The following ZC3H3 variants were observed in gnomAD, a reference collection of about 807,000 sequenced individuals.
ZC3H3 encodes zinc finger CCCH domain-containing protein 3.
Under a neutral mutation model 77.3 loss-of-function variants are expected in ZC3H3, and 36 were observed. The observed-to-expected ratio is 0.47, with a 90% CI of 0.36 to 0.61. The LOEUF (loss-of-function observed/expected upper bound fraction) is 0.61, where lower values mean the gene tolerates loss of function less well. Ranked by LOEUF, ZC3H3 falls within the 20% of genes least tolerant of loss-of-function variation. The pLI, the probability that ZC3H3 is intolerant of heterozygous loss-of-function variation, is 0.00. For synonymous variants in ZC3H3, 626 were observed against 555.2 expected, an observed-to-expected ratio of 1.13 and a Z score of -1.79; for missense variants, 1,331 against 1,312.2, an observed-to-expected ratio of 1.01 and a Z score of -0.22.
Position 143,533,624 on chromosome 8 carries a change from T to C in ZC3H3, c.1561+2633A>G, listed in dbSNP as rs1030093688. ...GTGGTGGGCAAGTGAGTGGGACGCC[T>C]TCCCCACCCCTTCCTCAGACAGGAC... On this transcript the variant is annotated intron_variant, in intron 3 of 11. Coordinates refer to ENST00000262577, the MANE Select transcript of ZC3H3 (RefSeq NM_015117.3). This position sits in a 1 kb window ranked among gnomAD's most constrained non-coding sequence, Gnocchi z 4.0. 6.6e-6 allele frequency among the ~76,000 whole-genome samples: 1 copy of C among 151,502 alleles called. No homozygotes were observed. The highest frequency in any genetic ancestry group is 1.5e-5 in the Non-Finnish European group (1 of 67,996).
rs545704480 is a variant in ZC3H3, at chr8:143,536,175, G to A, written c.1561+82C>T. ...GCCTCTACCAGCATGAGGCAGGGAA[G>A]GTGCCCATGGCTCCTAACACGCCAG... On this transcript the variant is annotated intron_variant, in intron 3 of 11. Coordinates refer to ENST00000262577, the MANE Select transcript of ZC3H3 (RefSeq NM_015117.3). The A allele has an allele frequency of 3.4e-6, 5 of 1,468,880 alleles. No individual in the cohort carries two copies. The East Asian group carries it at 9.8e-5, about 29-fold the overall frequency. The allele number at this position is 1,468,880 out of a possible 1,614,324, so 91.0% of individuals were successfully genotyped here.
rs1820239094 is a variant in ZC3H3 at position 143,460,704 on chromosome 8, T to C, written c.2307+5013A>G. On this transcript the variant is annotated intron_variant, in intron 9 of 11. Coordinates refer to ENST00000262577, the MANE Select transcript of ZC3H3 (RefSeq NM_015117.3). The surrounding 1 kb of genome is among the most constrained non-coding windows in gnomAD (Gnocchi z 4.0). ...CAGTGCACACACAACGGAATGTTAC[T>C]CTACCATAAGAAAGGAATGAGGTGC... 6.6e-6 allele frequency among the ~76,000 whole-genome samples: 1 copy of C among 152,194 alleles called. No individual in the cohort carries two copies. The highest frequency in any genetic ancestry group is 2.4e-5 in the African/African-American group (1 of 41,436).
chr8:143,444,811 T>C (rs912012010), intron 9 of ZC3H3, among the ~76,000 whole-genome samples: 2 of 152,178 alleles, frequency 1.3e-5, no homozygotes, highest in Admixed American at 1.3e-4. Context: ...CAGTCAATAT[T>C]GTATTGGGGT....
rs34839082 is a variant in ZC3H3, at chr8:143,528,136, C to T, written c.1561+8121G>A. On this transcript the variant is annotated intron_variant, in intron 3 of 11. Transcript: ENST00000262577. ...CTGGCACCCTCCCCCACTGCCAAGA[C>T]ACAGCAAGCCCACCCTGGCAACCAC... is the stretch of plus-strand genomic sequence containing the variant. Among the ~76,000 whole-genome samples, 1,284 of 152,332 alleles carry T rather than the reference C, an allele frequency of 8.4e-3. 10 individuals are homozygous for T. Among genetic ancestry groups the T allele is most frequent in the African/African-American group, 0.029 (1,216 of 41,580 alleles).
chr8:143,473,992 G>A (rs1332644961), intron 5 of ZC3H3, among the ~76,000 whole-genome samples: 4 of 152,100 alleles, frequency 2.6e-5, no homozygotes, highest in Non-Finnish European at 4.4e-5. Flanking sequence ...AGGATCAGAG[G>A]TAACCAGAGA....
intron 4 of ZC3H3, among the ~76,000 whole-genome samples, chr8:143,501,068 C>A (rs964751824): frequency 6.6e-6 from 1 of 151,382 alleles, no homozygotes; most frequent in Admixed American, 6.6e-5. Flanking sequence ...CCGCCTATCT[C>A]GGCCTCCCAA....
At chr8:143,528,099 G>GC (rs1443282561) in intron 3 of ZC3H3, among the ~76,000 whole-genome samples, 1 of 152,214 alleles carries the variant, frequency 6.6e-6, no homozygotes, top group Non-Finnish European at 1.5e-5. Flanking sequence ...AGAGTCTCCG[G>GC]CCCCTCTGGC....
At chr8:143,455,859 G>A (rs1346058079) in intron 9 of ZC3H3, among the ~76,000 whole-genome samples, 8 of 151,158 alleles carry the variant, frequency 5.3e-5, no homozygotes. Context: ...TGTAATCCTA[G>A]CTACTCAGGA....
At chr8:143,485,131 A>C (rs942247620) in intron 4 of ZC3H3, among the ~76,000 whole-genome samples, 4 of 152,256 alleles carry the variant, frequency 2.6e-5, no homozygotes, top group African/African-American at 9.6e-5. Flanking sequence ...ATTCTACAGC[A>C]GGGGCGCCGG....
At chr8:143,514,741 G>A (rs1023540559) in intron 3 of ZC3H3, among the ~76,000 whole-genome samples, 2 of 152,182 alleles carry the variant, frequency 1.3e-5, no homozygotes, top group Non-Finnish European at 1.5e-5. Context: ...GTTCACCTGC[G>A]GGCACCCATC....
At position 143,533,434 on chromosome 8, in the gene ZC3H3, C is replaced by T. The variant is rs1822686841; in HGVS notation, c.1561+2823G>A. Among the ~76,000 whole-genome samples the T allele has an allele frequency of 6.6e-6, 1 of 152,164 alleles. No individual in the cohort carries two copies. Among genetic ancestry groups the T allele is most frequent in the African/African-American group, 2.4e-5 (1 of 41,426 alleles). On this transcript the variant is annotated intron_variant, in intron 3 of 11. Coordinates refer to ENST00000262577, the MANE Select transcript of ZC3H3 (RefSeq NM_015117.3). This position sits in a 1 kb window ranked among gnomAD's most constrained non-coding sequence, Gnocchi z 4.0. The stretch of plus-strand genomic sequence containing the variant: ...CCTGTTCCTCAGAAGGCATTTTCCA[C>T]CCAGGAGCACCTTCCTGGCTGATGT...
intron 3 of ZC3H3, among the ~76,000 whole-genome samples, chr8:143,517,049 C>G (rs117920286): frequency 6.6e-6 from 1 of 152,156 alleles, no homozygotes; most frequent in Non-Finnish European, 1.5e-5. Context: ...GCAGCACCAC[C>G]GAAGCCGCTG....
Position 143,501,113 on chromosome 8 carries a change from G to A in ZC3H3, c.1715+6633C>T, listed in dbSNP as rs571444600. On this transcript the variant is annotated intron_variant, in intron 4 of 11. Coordinates refer to ENST00000262577, the MANE Select transcript of ZC3H3 (RefSeq NM_015117.3). The stretch of plus-strand genomic sequence containing the variant: ...ATTACAGGGGTGAGCCACTGCACCC[G>A]GCCATGTCTGTTAGATGTCAACATA... Among the ~76,000 whole-genome samples the A allele has an allele frequency of 2.8e-3, 422 of 151,768 alleles. 2 individuals are homozygous for A. The highest frequency in any genetic ancestry group is 9.7e-3 in the African/African-American group (402 of 41,376).
chr8:143,540,481 T>C (rs1039407359), intron 1 of ZC3H3, among the ~76,000 whole-genome samples: 5 of 152,014 alleles, frequency 3.3e-5, no homozygotes, highest in East Asian at 1.9e-4. Flanking sequence ...CCTCCTGCCA[T>C]AGCCTCCCAA....
intron 3 of ZC3H3, among the ~76,000 whole-genome samples, chr8:143,518,300 T>C (rs1023805770): frequency 6.6e-6 from 1 of 151,810 alleles, no homozygotes; most frequent in African/African-American, 2.4e-5. Flanking sequence ...TGGGCCTGGC[T>C]GGATCCCAAG....
chr8:143,514,143 G>C (rs1472168470), intron 3 of ZC3H3, among the ~76,000 whole-genome samples: 1 of 152,186 alleles, frequency 6.6e-6, no homozygotes, highest in Non-Finnish European at 1.5e-5. Flanking sequence ...CTCCAAGAAG[G>C]GGTAGGCAGA....
intron 4 of ZC3H3, among the ~76,000 whole-genome samples, chr8:143,499,648 G>A (rs573955910): frequency 6.6e-6 from 1 of 152,000 alleles, no homozygotes; most frequent in Middle Eastern, 3.4e-3. Flanking sequence ...CCAGCATTCA[G>A]GGCCTCTCCA....
intron 3 of ZC3H3, among the ~76,000 whole-genome samples, chr8:143,514,687 G>A (rs1293229138): frequency 2.6e-5 from 4 of 152,184 alleles, no homozygotes; most frequent in African/African-American, 7.2e-5. Flanking sequence ...AGGCCATGCA[G>A]TTCAAATGCA....
At chr8:143,455,505 C>G (rs1820093315) in intron 9 of ZC3H3, among the ~76,000 whole-genome samples, 1 of 151,608 alleles carries the variant, frequency 6.6e-6, no homozygotes, top group South Asian at 2.1e-4. Flanking sequence ...TGCCCCCCCT[C>G]CCCAAAATAA....
Sources: gnomAD v4.1 joint callset for allele counts (sites outside exome capture counted in the v4.1 genomes callset) on GRCh38, gnomAD v4.1.1 for gene constraint, Gnocchi (gnomAD v3.1) non-coding constraint, MANE v1.5 for transcripts, NCBI Gene and HGNC (gene_info 2026-07-23, HGNC 2026-07-21) for gene names.